The following UBN2 variants were observed in gnomAD, a reference collection of about 807,000 sequenced individuals.
The protein encoded by UBN2 is ubinuclein-2.
Under a neutral mutation model 120.2 loss-of-function variants are expected in UBN2, and 35 were observed. The observed-to-expected ratio is 0.29, with a 90% CI of 0.22 to 0.39. The LOEUF is 0.39. Among genes scored for constraint, UBN2 ranks in the 10% least tolerant of loss-of-function variants. The pLI, the probability that UBN2 is intolerant of heterozygous loss-of-function variation, is 1.00. For synonymous variants in UBN2, 661 were observed against 648.7 expected (o/e 1.02, Z -0.29); for missense variants, 1,693 against 1,663.2 (o/e 1.02, Z -0.31).
chr7:139,235,927 C>A (rs1796152315), intron 1 of UBN2, among the ~76,000 whole-genome samples: 6 of 152,148 alleles, frequency 3.9e-5, no homozygotes, highest in Admixed American at 3.9e-4. Flanking sequence ...TGAAGTGTCT[C>A]AGTTTCAAAG....
rs893920404 is a variant in UBN2, at chr7:139,305,221, C to T, written c.*7385C>T. 6.6e-6 allele frequency: 1 copy of T among 152,132 alleles called. No homozygotes were observed. The highest frequency in any genetic ancestry group is 1.5e-5 in the Non-Finnish European group (1 of 68,020). 9.4% of individuals were successfully genotyped at this position (152,132 alleles called of 1,614,324 possible). On this transcript the variant is annotated 3_prime_UTR_variant, in exon 18 of 18. Transcript: ENST00000473989. The stretch of plus-strand genomic sequence containing the variant: ...TGTTGAATTCTTCTTTCTTGGTTTC[C>T]TTTAGTCTTCATTCTTTATTCAGAG...
In UBN2 at chr7:139,231,282, C is replaced by T. The variant is rs1418349119; in HGVS notation, c.-203C>T. On this transcript the variant is annotated 5_prime_UTR_variant, in exon 1 of 18. Transcript: ENST00000473989. Reference sequence around the variant, plus strand: ...GATCCAACATGGCGGCCGCGGCGACCCTGGCGATGGCGGTGAAGCCCATCA... The same window carrying T: ...GATCCAACATGGCGGCCGCGGCGACTCTGGCGATGGCGGTGAAGCCCATCA... Among the ~76,000 whole-genome samples the T allele has an allele frequency of 4.6e-5, 7 of 152,240 alleles. No homozygotes were observed. The highest frequency in any genetic ancestry group is 3.9e-4 in the Admixed American group (6 of 15,290).
At chr7:139,249,955 C>G (rs1796576761) in intron 2 of UBN2, among the ~76,000 whole-genome samples, 1 of 152,148 alleles carries the variant, frequency 6.6e-6, no homozygotes, top group African/African-American at 2.4e-5. Context: ...CCTGCCTTGG[C>G]CTCCCAAAGT....
chr7:139,310,794 C>T (rs1433874551), downstream of UBN2, among the ~76,000 whole-genome samples: 1 of 152,058 alleles, frequency 6.6e-6, no homozygotes, highest in African/African-American at 2.4e-5. Context: ...AATAAATAAA[C>T]TTAGCATACG....
the UBN2 span, among the ~76,000 whole-genome samples, chr7:139,319,994 T>A: frequency 6.6e-6 from 1 of 151,400 alleles, no homozygotes; most frequent in African/African-American, 2.4e-5. Flanking sequence ...GAGAATGGCG[T>A]GAACCCAGGA....
At chr7:139,287,179 A>C (rs1367370918) in intron 15 of UBN2, among the ~76,000 whole-genome samples, 2 of 152,182 alleles carry the variant, frequency 1.3e-5, no homozygotes, top group East Asian at 3.8e-4. Flanking sequence ...TCTTAAAATT[A>C]ATTCTTAATT....
Position 139,298,804 on chromosome 7 carries a change from T to C in UBN2, c.*968T>C, listed in dbSNP as rs1798182659. On this transcript the variant is annotated 3_prime_UTR_variant, in exon 18 of 18. Transcript: ENST00000473989. ...GTTCATCTAACTTCACAACTTCTCC[T>C]TCTGTTCTTTTAGCTAGTGGTCCTT... The C allele has an allele frequency of 6.6e-6, 1 of 152,172 alleles. No homozygotes were observed. Among genetic ancestry groups the C allele is most frequent in the Admixed American group, 6.5e-5 (1 of 15,272 alleles). 9.4% of individuals were successfully genotyped at this position (152,172 alleles called of 1,614,324 possible). A position where few individuals can be genotyped will look rare whatever the true frequency, so the allele number is the denominator to read the frequency against.
At chr7:139,321,127 T>C in the UBN2 span, among the ~76,000 whole-genome samples, 1 of 152,200 alleles carries the variant, frequency 6.6e-6, no homozygotes, top group African/African-American at 2.4e-5. Context: ...AACAAAACAT[T>C]AGGTGCCAAG....
At chr7:139,256,831 CCTTT>C (rs1350388733) in intron 3 of UBN2, among the ~76,000 whole-genome samples, 3 of 152,114 alleles carry the variant, frequency 2.0e-5, no homozygotes, top group Non-Finnish European at 2.9e-5. Flanking sequence ...TTTTCTTTTA[CCTTT>C]CTTCAATCAT....
At chr7:139,328,346 G>A in the UBN2 span, among the ~76,000 whole-genome samples, 3 of 152,160 alleles carry the variant, frequency 2.0e-5, no homozygotes, top group African/African-American at 4.8e-5. Flanking sequence ...ACTCACTGTC[G>A]TGCGAATAGC....
At chr7:139,264,028 A>G (rs1269001071) in intron 6 of UBN2, among the ~76,000 whole-genome samples, 2 of 152,222 alleles carry the variant, frequency 1.3e-5, no homozygotes, top group Non-Finnish European at 2.9e-5. Flanking sequence ...TGAAGAGATT[A>G]TAACTTAATT....
rs772548283 is a variant in UBN2, at chr7:139,231,530, C to T, written c.46C>T (p.Arg16Trp). Residue 16 changes from arginine to tryptophan, a missense_variant, in exon 1 of 18, where the codon CGG becomes TGG. Coordinates refer to ENST00000473989, the MANE Select transcript of UBN2 (RefSeq NM_173569.4). Reference sequence around the variant, plus strand: ...AGCGTTCATTAGCTTGTCACCGGTGCGGCGGCGCGAGGCCGAGTACCCGGG... The same window carrying T: ...AGCGTTCATTAGCTTGTCACCGGTGTGGCGGCGCGAGGCCGAGTACCCGGG... ...RVAFISLSPV[R>W]RREAEYPGPE... The T allele has an allele frequency of 6.3e-6, 9 of 1,417,748 alleles. No homozygotes were observed. The South Asian group carries it at 1.3e-4, about 21-fold the overall frequency. 87.8% of individuals were successfully genotyped at this position (1,417,748 alleles called of 1,614,324 possible). A position where few individuals can be genotyped will look rare whatever the true frequency, so the allele number is the denominator to read the frequency against.
intron 2 of UBN2, among the ~76,000 whole-genome samples, chr7:139,242,968 T>C (rs1267368970): frequency 6.6e-6 from 1 of 152,204 alleles, no homozygotes; most frequent in East Asian, 1.9e-4. Context: ...TTCTCACTTA[T>C]AGGACTGGTG....
intron 12 of UBN2, 37 bp downstream of exon 12, chr7:139,276,184 C>T (rs757404785): frequency 6.3e-7 from 1 of 1,588,980 alleles, no homozygotes; most frequent in Non-Finnish European, 8.6e-7. Flanking sequence ...TTCATTTATT[C>T]ACATTATGTG....
At position 139,304,203 on chromosome 7, in the gene UBN2, G is replaced by A. The variant is rs1217428539; in HGVS notation, c.*6367G>A. The A allele has an allele frequency of 6.6e-6, 1 of 152,122 alleles. No homozygotes were observed. The highest frequency in any genetic ancestry group is 1.5e-5 in the Non-Finnish European group (1 of 68,032). The allele number at this position is 152,122 out of a possible 1,614,324, so 9.4% of individuals were successfully genotyped here. On this transcript the variant is annotated 3_prime_UTR_variant, in exon 18 of 18. Transcript: ENST00000473989. The stretch of plus-strand genomic sequence containing the variant: ...ACACAGTCAGCTGGATACTCTTGTA[G>A]CCATTGCACCTTTGTAATTCATGCT...
rs976973595 is a variant in UBN2 at position 139,304,842 on chromosome 7, ATGTCCC to A, written c.*7011_*7016del. The stretch of plus-strand genomic sequence containing the variant: ...TAAACATACTCCTTTTTTTTTTCAC[ATGTCCC>A]TGTCTTTTCCATTCTCAGATAACAA... On this transcript the variant is annotated 3_prime_UTR_variant, in exon 18 of 18. Transcript: ENST00000473989. 33 of 151,280 alleles carry A rather than the reference ATGTCCC, an allele frequency of 2.2e-4. No individual in the cohort carries two copies. The highest frequency in any genetic ancestry group is 7.8e-4 in the African/African-American group (32 of 41,200). 9.4% of individuals were successfully genotyped at this position (151,280 alleles called of 1,614,324 possible).
intron 2 of UBN2, among the ~76,000 whole-genome samples, chr7:139,239,960 A>G (rs879461821): frequency 1.3e-5 from 2 of 152,352 alleles, no homozygotes; most frequent in Admixed American, 1.3e-4. Flanking sequence ...GTGATTCAGT[A>G]TATGACGCAC....
intron 3 of UBN2, 42 bp from the exon 4 acceptor site, chr7:139,258,446 G>T: frequency 6.9e-7 from 1 of 1,455,822 alleles, no homozygotes; most frequent in South Asian, 1.6e-5. Flanking sequence ...TAGAGTTAAA[G>T]ACAACAGGAT....
intron 8 of UBN2, 44 bp from the exon 9 acceptor site, chr7:139,272,278 G>A (rs766401307): frequency 1.7e-5 from 25 of 1,456,722 alleles, no homozygotes; most frequent in East Asian, 1.4e-4. Flanking sequence ...ACAAGATTTC[G>A]TAAATATGTC....
Sources: allele counts gnomAD v4.1 joint callset (sites outside exome capture counted in the v4.1 genomes callset), GRCh38; gene constraint gnomAD v4.1.1; transcripts MANE v1.5; gene names NCBI Gene and HGNC (gene_info 2026-07-23, HGNC 2026-07-21).